NCKAP1: variants seen among roughly 807,000 people sequenced by gnomAD.
NCKAP1 encodes NCK associated protein 1, also known as nck-associated protein 1.
A neutral mutation model predicts 151.2 loss-of-function variants in NCKAP1; 21 were observed. The ratio of observed to expected loss-of-function variants is 0.14; its 90% CI spans 0.10 to 0.20. NCKAP1 has a LOEUF of 0.20. Among genes scored for constraint, NCKAP1 ranks in the 10% least tolerant of loss-of-function variants. The probability of loss-of-function intolerance (pLI) is 1.00; values close to 1 mark genes in which losing one functional copy is unlikely to be tolerated. For synonymous variants in NCKAP1, 484 were observed against 451.8 expected, an observed-to-expected ratio of 1.07 and a Z score of -0.90; for missense variants, 933 against 1,352.1, an observed-to-expected ratio of 0.69 and a Z score of 4.86.
intron 26 of NCKAP1, among the ~76,000 whole-genome samples, chr2:182,931,763 A>G (rs1696769397): frequency 6.6e-6 from 1 of 152,174 alleles, no homozygotes; most frequent in Non-Finnish European, 1.5e-5. Flanking sequence ...TGTATCCAAA[A>G]CATATGAAGA....
chr2:183,029,363 G>A (rs1698961082), intron 1 of NCKAP1, among the ~76,000 whole-genome samples: 1 of 151,732 alleles, frequency 6.6e-6, no homozygotes, highest in Non-Finnish European at 1.5e-5. Context: ...CCCCCATACT[G>A]AGGCCTTTCC....
chr2:182,943,134 A>G (rs77941517), intron 23 of NCKAP1, among the ~76,000 whole-genome samples: 1,738 of 152,244 alleles, frequency 0.011, 11 homozygotes, highest in Middle Eastern at 0.034. Flanking sequence ...GCCCTTGTAC[A>G]CATCACAATC....
intron 16 of NCKAP1, among the ~76,000 whole-genome samples, chr2:182,965,855 A>C (rs1697559830): frequency 1.3e-5 from 2 of 152,174 alleles, no homozygotes; most frequent in Admixed American, 1.3e-4. Context: ...GACAGACAGT[A>C]GTCCTGGGCT....
chr2:183,031,905 A>G (rs1172216029), intron 1 of NCKAP1, among the ~76,000 whole-genome samples: 2 of 152,218 alleles, frequency 1.3e-5, no homozygotes, highest in Admixed American at 1.3e-4. Context: ...TTGCTAGTAG[A>G]CAGCCAATGT....
intron 27 of NCKAP1, among the ~76,000 whole-genome samples, chr2:182,930,071 C>T (rs1696731353): frequency 6.6e-6 from 1 of 151,970 alleles, no homozygotes; most frequent in South Asian, 2.1e-4. Context: ...TCTCCTCCAT[C>T]TTAAAAAAAT....
intron 1 of NCKAP1, among the ~76,000 whole-genome samples, chr2:183,034,381 GGT>G (rs1491197285): frequency 1.1e-5 from 1 of 88,288 alleles, no homozygotes; most frequent in Non-Finnish European, 3.0e-5. Flanking sequence ...TAGTTGTATG[GGT>G]TTTTTTTTTT....
chr2:182,946,759 C>G (rs1039274234), intron 23 of NCKAP1, among the ~76,000 whole-genome samples: 1 of 117,290 alleles, frequency 8.5e-6, no homozygotes, highest in Non-Finnish European at 1.8e-5. Flanking sequence ...AAAAAGGAAA[C>G]AGCAGAAAAA....
Position 182,910,951 on chromosome 2 carries a change from C to A in NCKAP1, c.*14751G>T, listed in dbSNP as rs1368125957. The A allele has an allele frequency of 7.8e-6, 1 of 128,314 alleles. No homozygotes were observed. Among genetic ancestry groups the A allele is most frequent in the Non-Finnish European group, 1.8e-5 (1 of 54,744 alleles). The allele number at this position is 128,314 out of a possible 1,614,324, so 7.9% of individuals were successfully genotyped here. ...GGAAATAAAAATAAAATCCTAAGCT[C>A]CCCCCCCACATTTGACTAAACAGAC... On this transcript the variant is annotated 3_prime_UTR_variant, in exon 31 of 31. Transcript: ENST00000361354.
At position 182,920,324 on chromosome 2, in the gene NCKAP1, G is replaced by A. The variant is rs2105790614; in HGVS notation, c.*5378C>T. On this transcript the variant is annotated 3_prime_UTR_variant, in exon 31 of 31. Transcript: ENST00000361354. Reference sequence around the variant, plus strand: ...CTGTAGAGAATCTCTTTCTACTCAAGGGAAGATGCTAAAACTGGTGTTCAT... The same window carrying A: ...CTGTAGAGAATCTCTTTCTACTCAAAGGAAGATGCTAAAACTGGTGTTCAT... 6.6e-6 allele frequency: 1 copy of A among 152,206 alleles called. No homozygotes were observed. The allele number at this position is 152,206 out of a possible 1,614,324, so 9.4% of individuals were successfully genotyped here.
chr2:182,985,164 G>C (rs768760335), intron 10 of NCKAP1, among the ~76,000 whole-genome samples: 22 of 152,166 alleles, frequency 1.4e-4, no homozygotes, highest in Non-Finnish European at 5.9e-5. Context: ...GATGAGTAAA[G>C]ATGGTTTAAA....
intron 23 of NCKAP1, among the ~76,000 whole-genome samples, chr2:182,945,288 G>A (rs908244598): frequency 2.6e-5 from 4 of 151,514 alleles, no homozygotes; most frequent in Admixed American, 1.3e-4. Context: ...AGTGGTACAC[G>A]CCTATATTTC....
intron 9 of NCKAP1, among the ~76,000 whole-genome samples, chr2:182,987,701 T>C (rs1698084738): frequency 5.3e-5 from 8 of 152,202 alleles, no homozygotes; most frequent in Admixed American, 5.2e-4. Context: ...TGATTTTCAA[T>C]CTAAATCAAT....
chr2:182,983,815 G>A (rs188617167), intron 10 of NCKAP1, among the ~76,000 whole-genome samples: 5 of 152,158 alleles, frequency 3.3e-5, no homozygotes, highest in Non-Finnish European at 5.9e-5. Flanking sequence ...GGCAGACTGC[G>A]TGAGCTCAGG....
intron 4 of NCKAP1, 122 bp downstream of exon 4, chr2:183,002,852 C>G: frequency 3.1e-6 from 2 of 636,510 alleles, no homozygotes; most frequent in Non-Finnish European, 2.7e-6. Context: ...ATAAAACAAG[C>G]CAAATTAATA....
In NCKAP1 at chr2:182,925,768, A is replaced by G; in HGVS notation, c.3321T>C (p.Phe1107=). The change falls in exon 31 of 31, where the codon TTT becomes TTC. Residue 1107 remains phenylalanine (F), a synonymous_variant. Coordinates refer to ENST00000361354, the MANE Select transcript of NCKAP1 (RefSeq NM_013436.5). ...FLTMDLLESC[F]PYVLLRNAYH... Reference sequence around the variant, plus strand: ...ATGCATTTCTCAGCAAGACATAAGGAAAACAAGATTCCAAAAGATCCATTG... The same window carrying G: ...ATGCATTTCTCAGCAAGACATAAGGGAAACAAGATTCCAAAAGATCCATTG... 6.3e-7 allele frequency: 1 copy of G among 1,592,142 alleles called. No individual in the cohort carries two copies. The highest frequency in any genetic ancestry group is 8.5e-7 in the Non-Finnish European group (1 of 1,170,436).
chr2:182,982,945 A>C lies in NCKAP1; in HGVS notation c.1102-18T>G. 1 of 1,554,280 alleles carries C rather than the reference A, an allele frequency of 6.4e-7. No individual in the cohort carries two copies. The highest frequency in any genetic ancestry group is 1.8e-4 in the Middle Eastern group (1 of 5,500). ...AAAAGTGCCTGTTTAAAAAAAAGTA[A>C]GTGTTTATTCTTATTCAAAGATTAA... On this transcript the variant is annotated intron_variant, in intron 11 of 30. Transcript: ENST00000361354.
intron 24 of NCKAP1, 93 bp from the exon 25 acceptor site, chr2:182,935,468 A>C (rs576377926): frequency 1.0e-5 from 7 of 673,416 alleles, no homozygotes; most frequent in Non-Finnish European, 1.7e-5. Flanking sequence ...TATTAAAGTA[A>C]TAAAATTCCC....
rs1696476531 is a variant in NCKAP1 at position 182,916,878 on chromosome 2, T to G, written c.*8824A>C. 1.3e-5 allele frequency: 2 copies of G among 152,066 alleles called. No homozygotes were observed. Among genetic ancestry groups the G allele is most frequent in the South Asian group, 4.1e-4 (2 of 4,822 alleles). The allele number at this position is 152,066 out of a possible 1,614,324, so 9.4% of individuals were successfully genotyped here. ...GTTACATGACAGGGAAAATAATCTTTCCCATTTAAGATAAAGACTCCGATC... is the reference window on the plus strand; with the variant it reads ...GTTACATGACAGGGAAAATAATCTTGCCCATTTAAGATAAAGACTCCGATC... On this transcript the variant is annotated 3_prime_UTR_variant, in exon 31 of 31. Transcript: ENST00000361354.
rs543337052 is a variant in NCKAP1, at chr2:182,981,013, G to A, written c.1341+231C>T. ...ACCTCCATCTTCAGGATAAATAATT[G>A]TGTCTTTCCTTGTGTTCATTCTGAG... On this transcript the variant is annotated intron_variant, in intron 13 of 30. Coordinates refer to ENST00000361354, the MANE Select transcript of NCKAP1 (RefSeq NM_013436.5). 2.0e-4 allele frequency among the ~76,000 whole-genome samples: 31 copies of A among 152,240 alleles called. 1 individual carries two copies. Among genetic ancestry groups the A allele is most frequent in the African/African-American group, 7.2e-4 (30 of 41,526 alleles).
Sources: allele counts gnomAD v4.1 joint callset (sites outside exome capture counted in the v4.1 genomes callset), GRCh38; gene constraint gnomAD v4.1.1; transcripts MANE v1.5; gene names NCBI Gene and HGNC (gene_info 2026-07-23, HGNC 2026-07-21).